The following RABGAP1 variants were observed in gnomAD, a reference collection of about 807,000 sequenced individuals.
The protein encoded by RABGAP1 is rab GTPase-activating protein 1.
In RABGAP1, 23 loss-of-function variants were observed where a neutral mutation model predicts 137.6. The ratio of observed to expected loss-of-function variants is 0.17; its 90% CI spans 0.12 to 0.24. The LOEUF (loss-of-function observed/expected upper bound fraction) is 0.24. Ranked by LOEUF, RABGAP1 falls within the 10% of genes least tolerant of loss-of-function variation. RABGAP1 has a pLI of 1.00. For missense variants in RABGAP1, 906 were observed against 1,275.8 expected (o/e 0.71, Z 4.42); for synonymous variants, 451 against 450.7 (o/e 1.00, Z -0.01).
intron 2 of RABGAP1, among the ~76,000 whole-genome samples, chr9:122,965,436 T>C (rs926901506): frequency 2.0e-5 from 3 of 152,092 alleles, no homozygotes; most frequent in Admixed American, 6.6e-5. Flanking sequence ...CAGGCTGGAG[T>C]GCAGTGGCGT....
At chr9:123,048,566 A>AT (rs2033322385) in intron 13 of RABGAP1, among the ~76,000 whole-genome samples, 1 of 152,248 alleles carries the variant, frequency 6.6e-6, no homozygotes, top group African/African-American at 2.4e-5. Context: ...AAGCTGTACT[A>AT]AGAGAGCATT....
intron 2 of RABGAP1, among the ~76,000 whole-genome samples, chr9:122,978,129 G>A (rs185383100): frequency 6.9e-6 from 1 of 145,366 alleles, no homozygotes; most frequent in African/African-American, 2.9e-5. Context: ...TCAAGATGGG[G>A]AATACTTTTA....
At chr9:123,069,955 G>T (rs757246812) in intron 14 of RABGAP1, among the ~76,000 whole-genome samples, 3 of 152,194 alleles carry the variant, frequency 2.0e-5, no homozygotes, top group Non-Finnish European at 4.4e-5. Flanking sequence ...TGCCATAGAG[G>T]CAGAGAAGAG....
intron 2 of RABGAP1, among the ~76,000 whole-genome samples, chr9:122,968,661 C>G (rs913800693): frequency 2.6e-5 from 4 of 152,122 alleles, no homozygotes; most frequent in Non-Finnish European, 5.9e-5. Context: ...GTCACCCACG[C>G]TGGAGTAAAG....
At chr9:122,966,426 G>T (rs1306127567) in intron 2 of RABGAP1, among the ~76,000 whole-genome samples, 1 of 152,126 alleles carries the variant, frequency 6.6e-6, no homozygotes, top group Non-Finnish European at 1.5e-5. Context: ...GGGAGGCTGA[G>T]GCAGGAGAAT....
intron 2 of RABGAP1, among the ~76,000 whole-genome samples, chr9:122,981,063 A>T (rs765780086): frequency 1.3e-4 from 20 of 151,944 alleles, no homozygotes; most frequent in Non-Finnish European, 2.8e-4. Context: ...TGTTTGATAG[A>T]GTCTCATTCT....
intron 13 of RABGAP1, among the ~76,000 whole-genome samples, chr9:123,039,854 C>T (rs1053097555): frequency 6.6e-6 from 1 of 152,118 alleles, no homozygotes. Flanking sequence ...TTGCTTTTGT[C>T]TCCCTTTCAG....
intron 13 of RABGAP1, among the ~76,000 whole-genome samples, chr9:123,046,017 G>A (rs1253656607): frequency 6.6e-6 from 1 of 152,196 alleles, no homozygotes; most frequent in African/African-American, 2.4e-5. Flanking sequence ...AAGGCCTTGG[G>A]TGAATGTGGA....
chr9:123,038,186 C>G (rs1023401483), intron 13 of RABGAP1, among the ~76,000 whole-genome samples: 3 of 152,018 alleles, frequency 2.0e-5, no homozygotes, highest in Non-Finnish European at 4.4e-5. Flanking sequence ...GAGCATTATC[C>G]TGACACTAGA....
At chr9:122,986,449 A>T in intron 4 of RABGAP1, 30 bp downstream of exon 4, 1 of 1,593,280 alleles carries the variant, frequency 6.3e-7, no homozygotes, top group Non-Finnish European at 8.6e-7. Context: ...ATCTTTCGAT[A>T]TTTACATCAG....
chr9:123,046,078 G>T (rs184025711), intron 13 of RABGAP1, among the ~76,000 whole-genome samples: 1 of 152,170 alleles, frequency 6.6e-6, no homozygotes, highest in Non-Finnish European at 1.5e-5. Context: ...CTTAAGTACT[G>T]CCTTGATAGT....
chr9:123,054,692 T>A (rs912068340), intron 13 of RABGAP1, among the ~76,000 whole-genome samples: 6 of 152,246 alleles, frequency 3.9e-5, no homozygotes, highest in Admixed American at 1.3e-4. Context: ...TTAGTCCTCA[T>A]GTTTCCTTAG....
At chr9:122,958,385 TATATC>T (rs1482186974) in intron 2 of RABGAP1, among the ~76,000 whole-genome samples, 1 of 152,094 alleles carries the variant, frequency 6.6e-6, no homozygotes, top group Non-Finnish European at 1.5e-5. Context: ...AGAAAATAAA[TATATC>T]AAGTAAATTT....
chr9:123,055,257 T>A (rs1199473574), intron 13 of RABGAP1, among the ~76,000 whole-genome samples: 1 of 152,214 alleles, frequency 6.6e-6, no homozygotes, highest in Non-Finnish European at 1.5e-5. Flanking sequence ...AATGGCACGA[T>A]CACAGCTCAC....
At chr9:123,029,444 C>G in intron 13 of RABGAP1, 1 of 1,551,904 alleles carries the variant, frequency 6.4e-7, no homozygotes, top group South Asian at 1.1e-5. Flanking sequence ...TACTTGAGCT[C>G]TGTGCTTTGA....
At chr9:122,931,779 C>A in the RABGAP1 span, among the ~76,000 whole-genome samples, 5 of 152,220 alleles carry the variant, frequency 3.3e-5, no homozygotes, top group African/African-American at 1.2e-4. Context: ...CGCAGGGACC[C>A]GCTGCTCGGG....
chr9:123,074,850 G>A (rs143083676), intron 17 of RABGAP1, among the ~76,000 whole-genome samples: 10 of 152,314 alleles, frequency 6.6e-5, no homozygotes, highest in African/African-American at 2.2e-4. Context: ...TAGAGGATGG[G>A]AGAGGGTGCC....
chr9:122,959,384 AG>A (rs1196994278), intron 2 of RABGAP1, among the ~76,000 whole-genome samples: 13 of 150,394 alleles, frequency 8.6e-5, no homozygotes, highest in South Asian at 2.1e-4. Flanking sequence ...AAAAAAAAAA[AG>A]AGTGGAAATT....
intron 17 of RABGAP1, among the ~76,000 whole-genome samples, 186 bp from the exon 18 acceptor site, chr9:123,076,059 G>A (rs1228447405): frequency 1.3e-5 from 2 of 152,136 alleles, no homozygotes; most frequent in Non-Finnish European, 2.9e-5. Context: ...CAGAAAAAGG[G>A]GAAGCTAGGT....
Sources: gnomAD v4.1 joint callset for allele counts (sites outside exome capture counted in the v4.1 genomes callset) on GRCh38, gnomAD v4.1.1 for gene constraint, MANE v1.5 for transcripts, NCBI Gene and HGNC (gene_info 2026-07-23, HGNC 2026-07-21) for gene names.